The following TCTN3 variants were observed in gnomAD, a reference collection of about 807,000 sequenced individuals.
TCTN3 encodes tectonic-3.
A neutral mutation model predicts 71.3 loss-of-function variants in TCTN3; 57 were observed. The observed-to-expected ratio is 0.80, with a 90% CI of 0.65 to 1.00. The LOEUF (loss-of-function observed/expected upper bound fraction) is 1.00. Ranked by LOEUF, TCTN3 falls within the 50% of genes least tolerant of loss-of-function variation. The pLI is 0.00. For synonymous variants in TCTN3, 258 were observed against 267.8 expected, an observed-to-expected ratio of 0.96 and a Z score of 0.36; for missense variants, 696 against 719.9, an observed-to-expected ratio of 0.97 and a Z score of 0.38.
chr10:95,675,345 G>A (rs767605367), intron 13 of TCTN3, among the ~76,000 whole-genome samples: 4 of 151,976 alleles, frequency 2.6e-5, no homozygotes, highest in Non-Finnish European at 4.4e-5. Flanking sequence ...CATCTGTCTC[G>A]GCTTCCAAAG....
rs780240997 is a variant in TCTN3, at chr10:95,687,283, C to T, written c.700G>A (p.Gly234Arg). ...ISLLRQPAGV[G>R]AGGLCAESNP... The stretch of plus-strand genomic sequence containing the variant: ...CTTTCAGCACAGAGTCCCCCAGCTC[C>T]AACTCCTGCAGGTTGTCTCAGCAAG... The change falls in exon 5 of 14, where the codon GGA (glycine) becomes AGA (arginine). Residue 234 changes from glycine to arginine, a missense_variant. Physicochemically the swap from Gly to Arg is moderately radical, Grantham distance 125 (BLOSUM62 -2). Coordinates refer to ENST00000371217, the MANE Select transcript of TCTN3 (RefSeq NM_015631.6). 3 of 1,614,166 alleles carry T rather than the reference C, an allele frequency of 1.9e-6. No homozygotes were observed. The South Asian group carries it at 3.3e-5, about 18-fold the overall frequency.
chr10:95,688,164 G>A (rs888228596), intron 3 of TCTN3, among the ~76,000 whole-genome samples: 1 of 151,952 alleles, frequency 6.6e-6, no homozygotes, highest in African/African-American at 2.4e-5. Flanking sequence ...CGAGGCAGGT[G>A]GATCACCTGA....
chr10:95,663,988 G>A lies in TCTN3; in HGVS notation c.*79C>T. Reference sequence around the variant, plus strand: ...AAATGCTCTCTGGTCATGAGCAGGTGAGGTTCTATTTAGCCAAGATAAGTG... The same window carrying A: ...AAATGCTCTCTGGTCATGAGCAGGTAAGGTTCTATTTAGCCAAGATAAGTG... On this transcript the variant is annotated 3_prime_UTR_variant, in exon 14 of 14. Coordinates refer to ENST00000371217, the MANE Select transcript of TCTN3 (RefSeq NM_015631.6). 2 of 1,154,396 alleles carry A rather than the reference G, an allele frequency of 1.7e-6. No individual in the cohort carries two copies. The highest frequency in any genetic ancestry group is 1.3e-6 in the Non-Finnish European group (1 of 772,856). The allele number at this position is 1,154,396 out of a possible 1,614,324, so 71.5% of individuals were successfully genotyped here.
intron 3 of TCTN3, among the ~76,000 whole-genome samples, chr10:95,690,716 T>C (rs903747907): frequency 6.6e-6 from 1 of 152,216 alleles, no homozygotes; most frequent in African/African-American, 2.4e-5. Context: ...CTGGATGTTA[T>C]TTTATGGATA....
chr10:95,693,503 G>C (rs1387077968), intron 1 of TCTN3, 27 bp from the exon 2 acceptor site: 1 of 1,552,002 alleles, frequency 6.4e-7, no homozygotes, highest in Non-Finnish European at 8.7e-7. Flanking sequence ...CAGAGTGAGT[G>C]GGATGAAGAT....
In TCTN3 at chr10:95,687,056, G is replaced by A. The variant is rs776873020; in HGVS notation, c.840C>T (p.Phe280=). ...SALNAASYYN[F]TVLKVPRSMT... The stretch of plus-strand genomic sequence containing the variant: ...AAAGGACACCTACCTTTAAGACTGT[G>A]AAGTTATAGTAAGAGGCAGCATTGA... The change falls in exon 6 of 14, where the codon TTC becomes TTT. Residue 280 remains phenylalanine (F), a synonymous_variant. Transcript: ENST00000371217. 3 of 1,613,890 alleles carry A rather than the reference G, an allele frequency of 1.9e-6. No individual in the cohort carries two copies. Among genetic ancestry groups the A allele is most frequent in the South Asian group, 1.1e-5 (1 of 91,076 alleles).
intron 12 of TCTN3, 40 bp downstream of exon 12, chr10:95,682,611 A>G (rs1348450077): frequency 1.3e-6 from 2 of 1,591,252 alleles, no homozygotes; most frequent in Non-Finnish European, 1.7e-6. Context: ...ACAAAGGGGT[A>G]AAAATGAGTC....
At chr10:95,692,029 C>T (rs1293287406) in intron 3 of TCTN3, among the ~76,000 whole-genome samples, 2 of 152,196 alleles carry the variant, frequency 1.3e-5, no homozygotes, top group Non-Finnish European at 2.9e-5. Flanking sequence ...CAAAGATGTT[C>T]ATTCAAACAT....
chr10:95,682,585 T>C (rs2097944046), intron 12 of TCTN3, 66 bp downstream of exon 12: 1 of 1,541,860 alleles, frequency 6.5e-7, no homozygotes, highest in South Asian at 1.2e-5. Flanking sequence ...GGTTTTAAAC[T>C]TACTATCCAA....
intron 13 of TCTN3, among the ~76,000 whole-genome samples, chr10:95,672,682 A>G (rs1231951525): frequency 1.4e-5 from 2 of 142,878 alleles, no homozygotes; most frequent in African/African-American, 5.0e-5. Flanking sequence ...TATCTGTTCA[A>G]ATCTTTTTTT....
At chr10:95,674,388 T>TA (rs1189665986) in intron 13 of TCTN3, among the ~76,000 whole-genome samples, 2 of 151,990 alleles carry the variant, frequency 1.3e-5, no homozygotes, top group African/African-American at 4.8e-5. Context: ...CAGTAAATAA[T>TA]AAAGTTAAAG....
intron 12 of TCTN3, among the ~76,000 whole-genome samples, 157 bp downstream of exon 12, chr10:95,682,493 CA>C (rs376491636): frequency 7.7e-4 from 108 of 139,390 alleles, no homozygotes; most frequent in Non-Finnish European, 6.7e-4. Context: ...GACTCCATCT[CA>C]AAAAAAAAAA....
At chr10:95,665,944 GTT>G (rs58866795) in intron 13 of TCTN3, among the ~76,000 whole-genome samples, 31 of 143,126 alleles carry the variant, frequency 2.2e-4, no homozygotes, top group East Asian at 4.1e-4. Flanking sequence ...TAATTCTGTA[GTT>G]TTTTTTTTTT....
chr10:95,680,490 G>A lies in TCTN3; in HGVS notation c.1572C>T (p.Tyr524=), dbSNP rs771745084. The A allele has an allele frequency of 6.2e-7, 1 of 1,614,074 alleles. No homozygotes were observed. The highest frequency in any genetic ancestry group is 1.1e-5 in the South Asian group (1 of 91,074). The change falls in exon 13 of 14, where the codon TAC becomes TAT. Residue 524 remains tyrosine (Y), a synonymous_variant. Transcript: ENST00000371217. ...GACTTACCTGTATAGACTGGCACTG[G>A]TATAGGAATCGAACTCCTGATACAT... is the stretch of plus-strand genomic sequence containing the variant. ...QAHVSGVRFL[Y]QCQSIQDSQQ...
At chr10:95,665,135 G>T (rs374452761) in intron 13 of TCTN3, among the ~76,000 whole-genome samples, 4 of 152,130 alleles carry the variant, frequency 2.6e-5, no homozygotes, top group Non-Finnish European at 4.4e-5. Context: ...TAGAGACAGG[G>T]TCTTGCTCTG....
At chr10:95,685,233 G>A (rs1462094283) in intron 8 of TCTN3, among the ~76,000 whole-genome samples, 2 of 152,214 alleles carry the variant, frequency 1.3e-5, no homozygotes, top group African/African-American at 4.8e-5. Flanking sequence ...AGAGGTGTCA[G>A]AAATAATTTT....
intron 12 of TCTN3, 47 bp from the exon 13 acceptor site, chr10:95,680,656 C>A (rs1176127059): frequency 6.3e-7 from 1 of 1,595,736 alleles, no homozygotes; most frequent in Admixed American, 1.7e-5. Context: ...TGATGGTTGC[C>A]TATAGTCAAT....
chr10:95,678,250 G>A (rs1016227542), intron 13 of TCTN3, among the ~76,000 whole-genome samples: 14 of 152,238 alleles, frequency 9.2e-5, no homozygotes, highest in Admixed American at 7.9e-4. Context: ...TTTCACAAGA[G>A]GCTGGGCGTG....
chr10:95,689,646 A>G (rs2097951815), intron 3 of TCTN3, among the ~76,000 whole-genome samples: 1 of 152,228 alleles, frequency 6.6e-6, no homozygotes, highest in African/African-American at 2.4e-5. Context: ...CTTCAGTGCA[A>G]AGATATTGGC....
Sources: allele counts gnomAD v4.1 joint callset (sites outside exome capture counted in the v4.1 genomes callset), GRCh38; gene constraint gnomAD v4.1.1; transcripts MANE v1.5; gene names NCBI Gene and HGNC (gene_info 2026-07-23, HGNC 2026-07-21).